ZFP64: variants seen among roughly 807,000 people sequenced by gnomAD.
The protein encoded by ZFP64 is ZFP64 zinc finger protein.
ZFP64 carries 14 observed loss-of-function variants against 51.6 expected under a neutral mutation model. The observed-to-expected ratio is 0.27, with a 90% CI of 0.18 to 0.42. The LOEUF (loss-of-function observed/expected upper bound fraction) is 0.42. Ranked by LOEUF, ZFP64 falls within the 10% of genes least tolerant of loss-of-function variation. The probability of loss-of-function intolerance (pLI) is 1.00; values close to 1 mark genes in which losing one functional copy is unlikely to be tolerated. For synonymous variants in ZFP64, 375 were observed against 361.4 expected, an observed-to-expected ratio of 1.04 and a Z score of -0.43; for missense variants, 754 against 906.8, an observed-to-expected ratio of 0.83 and a Z score of 2.16.
chr20:52,146,377 C>A (rs1223034087), downstream of ZFP64, among the ~76,000 whole-genome samples: 1 of 147,678 alleles, frequency 6.8e-6, no homozygotes, highest in Non-Finnish European at 1.5e-5. Flanking sequence ...GGCACATATA[C>A]ACCATGGAAT....
intron 5 of ZFP64, among the ~76,000 whole-genome samples, chr20:52,102,968 T>A (rs1406581960): frequency 6.6e-6 from 1 of 152,028 alleles, no homozygotes; most frequent in African/African-American, 2.4e-5. Context: ...ACTAGAAAAG[T>A]GAGAGAGAGG....
chr20:52,147,647 A>C (rs550487193), downstream of ZFP64, among the ~76,000 whole-genome samples: 5 of 152,298 alleles, frequency 3.3e-5, no homozygotes, highest in South Asian at 1.0e-3. Context: ...AATATACCCT[A>C]TTTTGGCTTT....
At chr20:52,113,774 C>G (rs6096760) in intron 5 of ZFP64, among the ~76,000 whole-genome samples, 31,646 of 151,778 alleles carry the variant, frequency 0.21, 3,671 homozygotes, top group Admixed American at 0.27. Flanking sequence ...TTATTGCCTG[C>G]CTCTGCTCTA....
chr20:52,117,635 A>AAAC, intron 5 of ZFP64: 1 of 456,610 alleles, frequency 2.2e-6, no homozygotes, highest in Non-Finnish European at 4.4e-6. Context: ...AAACAAAACA[A>AAAC]AACACAAAAA....
chr20:52,166,318 G>T (rs967877179), intron 2 of ZFP64, among the ~76,000 whole-genome samples: 5 of 152,144 alleles, frequency 3.3e-5, no homozygotes, highest in Non-Finnish European at 7.3e-5. Flanking sequence ...TGCCCTGGCT[G>T]CCCTACTTCC....
chr20:52,190,540 T>G (rs897305233), intron 1 of ZFP64, among the ~76,000 whole-genome samples: 1 of 151,640 alleles, frequency 6.6e-6, no homozygotes, highest in Non-Finnish European at 1.5e-5. Context: ...ACCAGCACAG[T>G]CCCCCCTCCC....
At chr20:52,105,159 CCTCCGCACA>C (rs1342141548) in intron 5 of ZFP64, 2 of 1,452,940 alleles carry the variant, frequency 1.4e-6, no homozygotes, top group African/African-American at 3.0e-5. Context: ...TGCGGGGCCA[CCTCCGCACA>C]CTCCCGGCGC....
At chr20:52,086,538 C>T (rs184521372) in intron 8 of ZFP64, among the ~76,000 whole-genome samples, 1,732 of 150,376 alleles carry the variant, frequency 0.012, 10 homozygotes, top group Middle Eastern at 0.058. Flanking sequence ...AGTGCAGTGA[C>T]GCAATCTCAG....
chr20:52,141,364 A>AT (rs1478774193), intron 5 of ZFP64, among the ~76,000 whole-genome samples: 1 of 152,126 alleles, frequency 6.6e-6, no homozygotes, highest in South Asian at 2.1e-4. Flanking sequence ...ATATTCATTT[A>AT]TTTTTTTCAC....
chr20:52,142,399 C>CACACACACACAG (rs1165756597), intron 5 of ZFP64, among the ~76,000 whole-genome samples: 2 of 151,410 alleles, frequency 1.3e-5, no homozygotes, highest in African/African-American at 4.9e-5. Flanking sequence ...CACACACACA[C>CACACACACACAG]ACACACACAC....
intron 5 of ZFP64, chr20:52,111,186 G>T: frequency 5.2e-6 from 3 of 576,254 alleles, no homozygotes; most frequent in East Asian, 3.1e-5. Flanking sequence ...AACGCCCCAA[G>T]TCAGCGGTCA....
At chr20:52,147,362 C>T (rs1197660605), downstream of ZFP64, among the ~76,000 whole-genome samples, 3 of 152,076 alleles carry the variant, frequency 2.0e-5, no homozygotes, top group African/African-American at 7.2e-5. Context: ...CCATAAAAAC[C>T]ATTATCCAAA....
At chr20:52,104,870 G>C (rs1045314529) in intron 5 of ZFP64, 1 of 667,832 alleles carries the variant, frequency 1.5e-6, no homozygotes, top group Non-Finnish European at 2.8e-6. Flanking sequence ...CTTCCAGCGT[G>C]TTTGGGAGGC....
chr20:52,103,547 G>C (rs1182828287), intron 5 of ZFP64, among the ~76,000 whole-genome samples: 3 of 152,196 alleles, frequency 2.0e-5, no homozygotes, highest in Non-Finnish European at 4.4e-5. Flanking sequence ...CGAAACACTG[G>C]GTGCGGCTCC....
chr20:52,176,099 T>C (rs555075680), intron 2 of ZFP64: 1 of 323,994 alleles, frequency 3.1e-6, no homozygotes, highest in African/African-American at 2.2e-5. Flanking sequence ...TCGAGTCTCT[T>C]GCTCTGAAAT....
intron 2 of ZFP64, among the ~76,000 whole-genome samples, chr20:52,168,514 G>T (rs1982466061): frequency 2.0e-5 from 3 of 152,062 alleles, no homozygotes; most frequent in African/African-American, 7.2e-5. Context: ...ACACTCTGGG[G>T]GTGCACCCAA....
At chr20:52,139,162 A>G (rs1980129115) in intron 5 of ZFP64, among the ~76,000 whole-genome samples, 17 of 152,224 alleles carry the variant, frequency 1.1e-4, no homozygotes, top group Admixed American at 1.1e-3. Context: ...CACTCGACTC[A>G]GCAATCCCAT....
intron 5 of ZFP64, chr20:52,098,729 C>CATGAGCCACCCCGCCT: frequency 9.0e-7 from 1 of 1,112,876 alleles, no homozygotes; most frequent in Non-Finnish European, 1.3e-6. Flanking sequence ...TGTGACCAGG[C>CATGAGCCACCCCGCCT]GGGGTGGCTC....
rs34646115 is a variant in ZFP64, at chr20:52,102,107, C to CAAAAAAAAAAAAAAA, written c.764-3535_764-3521dup. 8.0e-4 allele frequency among the ~76,000 whole-genome samples: 51 copies of CAAAAAAAAAAAAAAA among 63,410 alleles called. 2 individuals are homozygous for CAAAAAAAAAAAAAAA. Among genetic ancestry groups the CAAAAAAAAAAAAAAA allele is most frequent in the Non-Finnish European group, 9.5e-4 (31 of 32,674 alleles). The allele number at this position is 63,410 out of a possible 152,430, so 41.6% of individuals were successfully genotyped here. A position where few individuals can be genotyped will look rare whatever the true frequency, so the allele number is the denominator to read the frequency against. On this transcript the variant is annotated intron_variant, in intron 5 of 8. Coordinates refer to the ZFP64 transcript ENST00000361387. Reference sequence around the variant, plus strand: ...AGCCTGGTGAGAGTAACTCCATCTCCAAAAAAAAAAAAAAAAAAGGCAGCA... The same window carrying CAAAAAAAAAAAAAAA: ...AGCCTGGTGAGAGTAACTCCATCTCCAAAAAAAAAAAAAAAAAAAAAAAAAAAAAAAAAGGCAGCA...
Sources: allele counts gnomAD v4.1 joint callset (sites outside exome capture counted in the v4.1 genomes callset), GRCh38; gene constraint gnomAD v4.1.1; transcripts MANE v1.5; gene names NCBI Gene and HGNC (gene_info 2026-07-23, HGNC 2026-07-21).